Variants in TYR observed in about 807,000 individuals in gnomAD.
TYR encodes the protein LB24-AB.
TYR carries 58 observed loss-of-function variants against 51.5 expected under a neutral mutation model. That is an observed-to-expected ratio of 1.13 (90% CI 0.91 to 1.40). The LOEUF (loss-of-function observed/expected upper bound fraction) is 1.40. Among genes scored for constraint, TYR ranks in the 40% most tolerant of loss-of-function variants. The probability of loss-of-function intolerance (pLI) is 0.00; values close to 1 mark genes in which losing one functional copy is unlikely to be tolerated. For synonymous variants in TYR, 263 were observed against 235.2 expected (o/e 1.12, Z -1.08); for missense variants, 732 against 647.4 (o/e 1.13, Z -1.42).
intron 2 of TYR, among the ~76,000 whole-genome samples, chr11:89,222,143 A>G (rs1427524473): frequency 6.6e-6 from 1 of 152,210 alleles, no homozygotes; most frequent in East Asian, 1.9e-4. Flanking sequence ...CTGTCAGAAT[A>G]TAGAAGGTGA....
rs1223751154 is a variant in TYR at position 89,178,746 on chromosome 11, C to T, written c.793C>T (p.Pro265Ser). 1.2e-6 allele frequency: 2 copies of T among 1,614,014 alleles called. No homozygotes were observed. The highest frequency in any genetic ancestry group is 1.7e-6 in the Non-Finnish European group (2 of 1,179,990). The stretch of plus-strand genomic sequence containing the variant: ...CCCCACAAATCCTAACTTACTCAGC[C>T]CAGCATCATTCTTCTCCTCTTGGCA... Reference protein sequence around the residue: ...QHPTNPNLLSPASFFSSWQIV... With the variant: ...QHPTNPNLLSSASFFSSWQIV... Residue 265 changes from proline (P) to serine (S), a missense_variant, in exon 1 of 5, where the codon CCA becomes TCA. Physicochemically the swap from Pro to Ser is moderately conservative, Grantham distance 74. Coordinates refer to ENST00000263321, the MANE Select transcript of TYR (RefSeq NM_000372.5).
At chr11:89,266,024 GT>G (rs1944522774) in intron 3 of TYR, among the ~76,000 whole-genome samples, 1 of 151,962 alleles carries the variant, frequency 6.6e-6, no homozygotes, top group Non-Finnish European at 1.5e-5. Context: ...AAAATAGTCT[GT>G]TTTTTAGCAT....
intron 1 of TYR, among the ~76,000 whole-genome samples, chr11:89,179,745 C>T (rs1943276029): frequency 6.6e-6 from 1 of 152,146 alleles, no homozygotes; most frequent in South Asian, 2.1e-4. Flanking sequence ...TGAAGCATTA[C>T]TATTTGGAAT....
intron 3 of TYR, among the ~76,000 whole-genome samples, chr11:89,238,682 A>T (rs1944153465): frequency 6.6e-6 from 1 of 152,146 alleles, no homozygotes; most frequent in Non-Finnish European, 1.5e-5. Context: ...AGACAAAAGA[A>T]GTTCTACTTT....
intron 3 of TYR, among the ~76,000 whole-genome samples, chr11:89,274,100 A>G (rs1657974671): frequency 6.6e-6 from 1 of 151,916 alleles, no homozygotes. Context: ...TTCACTGAAA[A>G]GAAGAGTGGA....
intron 1 of TYR, among the ~76,000 whole-genome samples, chr11:89,188,349 T>G (rs1342085897): frequency 6.6e-6 from 1 of 152,022 alleles, no homozygotes; most frequent in Non-Finnish European, 1.5e-5. Flanking sequence ...ACATAGACAT[T>G]TTAAAACTTC....
chr11:89,207,072 T>G (rs1010647667), intron 2 of TYR, among the ~76,000 whole-genome samples: 1 of 151,170 alleles, frequency 6.6e-6, no homozygotes, highest in Admixed American at 6.6e-5. Flanking sequence ...AACCTAGAAA[T>G]AGAAGAGCAA....
chr11:89,292,843 CCTAAAG>C (rs1944865275), intron 4 of TYR, among the ~76,000 whole-genome samples: 1 of 152,088 alleles, frequency 6.6e-6, no homozygotes, highest in African/African-American at 2.4e-5. Flanking sequence ...TGATTGGGTT[CCTAAAG>C]CCAAGTCTTA....
intron 1 of TYR, among the ~76,000 whole-genome samples, chr11:89,187,549 G>A (rs1943390679): frequency 6.6e-6 from 1 of 152,042 alleles, no homozygotes; most frequent in Non-Finnish European, 1.5e-5. Context: ...CCTTTATGTG[G>A]GAATGGGTAG....
chr11:89,218,208 G>T (rs911661358), intron 2 of TYR, among the ~76,000 whole-genome samples: 2 of 151,986 alleles, frequency 1.3e-5, no homozygotes, highest in Non-Finnish European at 2.9e-5. Context: ...AACATTATAG[G>T]AATCTTCAAA....
intron 3 of TYR, among the ~76,000 whole-genome samples, chr11:89,259,745 G>T (rs1338857545): frequency 6.6e-6 from 1 of 152,004 alleles, no homozygotes; most frequent in Non-Finnish European, 1.5e-5. Context: ...TTCCAAGCTG[G>T]CATTCTACCA....
chr11:89,221,350 C>A (rs1278117294), intron 2 of TYR, among the ~76,000 whole-genome samples: 2 of 152,160 alleles, frequency 1.3e-5, no homozygotes, highest in Non-Finnish European at 2.9e-5. Context: ...TTACTCTATT[C>A]CTCATAATCA....
intron 3 of TYR, among the ~76,000 whole-genome samples, chr11:89,272,963 C>T (rs1229553500): frequency 2.0e-5 from 3 of 151,892 alleles, no homozygotes; most frequent in Non-Finnish European, 4.4e-5. Context: ...TAGGCTTTAG[C>T]TTAAGGGAAG....
intron 3 of TYR, among the ~76,000 whole-genome samples, chr11:89,232,974 A>G (rs1944070807): frequency 7.0e-6 from 1 of 142,734 alleles, no homozygotes; most frequent in African/African-American, 2.8e-5. Flanking sequence ...AAATAAGACA[A>G]AAAGGAAATT....
Position 89,177,995 on chromosome 11 carries a change from G to A in TYR, c.42G>A (p.Gln14=), listed in dbSNP as rs1943245595. The A allele has an allele frequency of 1.9e-6, 3 of 1,614,146 alleles. No homozygotes were observed. Among genetic ancestry groups the A allele is most frequent in the East Asian group, 4.5e-5 (2 of 44,868 alleles). The change falls in exon 1 of 5, where the codon CAG becomes CAA. Residue 14 remains glutamine (Q), a synonymous_variant. Transcript: ENST00000263321. The part of the protein sequence containing the change: ...AVLYCLLWSF[Q]TSAGHFPRAC... Reference sequence around the variant, plus strand: ...TGTACTGCCTGCTGTGGAGTTTCCAGACCTCCGCTGGCCATTTCCCTAGAG... The same window carrying A: ...TGTACTGCCTGCTGTGGAGTTTCCAAACCTCCGCTGGCCATTTCCCTAGAG...
At chr11:89,263,734 T>A (rs1944490085) in intron 3 of TYR, among the ~76,000 whole-genome samples, 1 of 152,006 alleles carries the variant, frequency 6.6e-6, no homozygotes, top group African/African-American at 2.4e-5. Context: ...GAAAACAATT[T>A]CAGTAATATC....
intron 3 of TYR, among the ~76,000 whole-genome samples, chr11:89,248,680 C>T (rs1377884089): frequency 6.6e-6 from 1 of 152,108 alleles, no homozygotes; most frequent in East Asian, 1.9e-4. Flanking sequence ...AATCCAGGTG[C>T]TGAAATAATT....
chr11:89,191,451 T>C, intron 2 of TYR, 33 bp downstream of exon 2: 1 of 1,596,520 alleles, frequency 6.3e-7, no homozygotes, highest in Non-Finnish European at 8.6e-7. Flanking sequence ...TAATTTTTTT[T>C]CTGAATTCAT....
At chr11:89,195,566 C>T (rs1427976133) in intron 2 of TYR, among the ~76,000 whole-genome samples, 1 of 152,040 alleles carries the variant, frequency 6.6e-6, no homozygotes, top group Non-Finnish European at 1.5e-5. Context: ...GTAATCCCAG[C>T]TACTTGGGAG....
Sources: allele counts gnomAD v4.1 joint callset (sites outside exome capture counted in the v4.1 genomes callset), GRCh38; gene constraint gnomAD v4.1.1; transcripts MANE v1.5; gene names NCBI Gene and HGNC (gene_info 2026-07-23, HGNC 2026-07-21).